NBEA: variants seen among roughly 807,000 people sequenced by gnomAD.
The protein encoded by NBEA is neurobeachin, also known as lysosomal-trafficking regulator 2.
NBEA carries 44 observed loss-of-function variants against 343.4 expected under a neutral mutation model. The ratio of observed to expected loss-of-function variants is 0.13; its 90% CI spans 0.10 to 0.16. NBEA has a LOEUF of 0.16. NBEA is among the 10% of genes least tolerant of loss of function. The pLI is 1.00. For missense variants in NBEA, 2,555 were observed against 3,631.3 expected (o/e 0.70, Z 7.62); for synonymous variants, 1,175 against 1,238.7 (o/e 0.95, Z 1.08).
At chr13:35,053,904 G>A (rs868790364) in intron 6 of NBEA, among the ~76,000 whole-genome samples, 39 of 152,128 alleles carry the variant, frequency 2.6e-4, no homozygotes, top group African/African-American at 8.9e-4. Flanking sequence ...ATGAAAATAG[G>A]TTCAGAGATA....
At chr13:35,578,489 T>C (rs113428766) in intron 45 of NBEA, among the ~76,000 whole-genome samples, 2 of 152,282 alleles carry the variant, frequency 1.3e-5, no homozygotes, top group African/African-American at 4.8e-5. Context: ...AGATTCCATA[T>C]CTATTGAAAA....
intron 1 of NBEA, among the ~76,000 whole-genome samples, chr13:34,998,789 C>T (rs932164042): frequency 1.6e-4 from 25 of 152,076 alleles, no homozygotes; most frequent in Non-Finnish European, 4.4e-5. Flanking sequence ...GCAGTTAACG[C>T]AATCATCACA....
rs1391642312 is a variant in NBEA, at chr13:35,171,443, C to A, written c.4414C>A (p.Leu1472Ile). ...MSSGGLMRQCLRLVCCVAVRN... is the reference protein window; with the variant it reads ...MSSGGLMRQCIRLVCCVAVRN... ...TTCTGGAGGTTTAATGCGACAGTGCCTAAGATTAGGTAAGTCTGTTAAAAC... is the reference window on the plus strand; with the variant it reads ...TTCTGGAGGTTTAATGCGACAGTGCATAAGATTAGGTAAGTCTGTTAAAAC... Residue 1472 changes from leucine to isoleucine, a missense_variant, in exon 26 of 59, where the codon CTA becomes ATA. Coordinates refer to ENST00000379939, the MANE Select transcript of NBEA (RefSeq NM_001385012.1). The A allele has an allele frequency of 1.2e-6, 2 of 1,609,318 alleles. No homozygotes were observed. The highest frequency in any genetic ancestry group is 8.5e-7 in the Non-Finnish European group (1 of 1,176,874).
intron 32 of NBEA, among the ~76,000 whole-genome samples, chr13:35,210,339 C>T (rs2073686835): frequency 1.3e-5 from 2 of 151,694 alleles, no homozygotes; most frequent in African/African-American, 4.8e-5. Context: ...AAAGACTGGG[C>T]ATACTGTTCA....
At chr13:35,083,984 A>G (rs2064579584) in intron 10 of NBEA, among the ~76,000 whole-genome samples, 1 of 152,168 alleles carries the variant, frequency 6.6e-6, no homozygotes, top group African/African-American at 2.4e-5. Flanking sequence ...AAAGAAGGCC[A>G]TTACATAATG....
intron 39 of NBEA, among the ~76,000 whole-genome samples, chr13:35,435,730 C>A (rs1050824730): frequency 6.6e-6 from 1 of 152,070 alleles, no homozygotes; most frequent in Non-Finnish European, 1.5e-5. Context: ...TAGAATAAAT[C>A]ATTTATCCAC....
chr13:35,364,556 T>G (rs2040996249), intron 38 of NBEA, among the ~76,000 whole-genome samples: 1 of 151,812 alleles, frequency 6.6e-6, no homozygotes, highest in Non-Finnish European at 1.5e-5. Flanking sequence ...GTAGGATGTT[T>G]GAATTTAAGA....
At chr13:35,109,754 A>G (rs1243307476) in intron 12 of NBEA, among the ~76,000 whole-genome samples, 2 of 152,118 alleles carry the variant, frequency 1.3e-5, no homozygotes, top group African/African-American at 4.8e-5. Flanking sequence ...AACTAATTGT[A>G]TTATGACTGT....
chr13:35,096,353 G>A (rs993779795), intron 10 of NBEA, among the ~76,000 whole-genome samples: 1 of 151,662 alleles, frequency 6.6e-6, no homozygotes, highest in Non-Finnish European at 1.5e-5. Flanking sequence ...GCAGAGTCCT[G>A]TGTTAAGATT....
At chr13:35,164,269 C>G in intron 23 of NBEA, 87 bp from the exon 24 acceptor site, 1 of 1,175,490 alleles carries the variant, frequency 8.5e-7, no homozygotes, top group Non-Finnish European at 1.2e-6. Flanking sequence ...TCCTACAGTT[C>G]TATAATTTTT....
chr13:35,229,262 G>A (rs1371721560), intron 33 of NBEA, among the ~76,000 whole-genome samples: 1 of 152,004 alleles, frequency 6.6e-6, no homozygotes, highest in African/African-American at 2.4e-5. Flanking sequence ...GAACTCCTGG[G>A]CTCAAGCCAT....
chr13:35,475,411 A>C (rs535048596), intron 41 of NBEA: 1 of 1,613,586 alleles, frequency 6.2e-7, no homozygotes, highest in Admixed American at 1.7e-5. Context: ...GCAGCCCCCC[A>C]TCTGCAGTCT....
At chr13:35,515,722 G>C (rs1302098442) in intron 41 of NBEA, among the ~76,000 whole-genome samples, 1 of 149,318 alleles carries the variant, frequency 6.7e-6, no homozygotes. Context: ...CATTTTCTAA[G>C]TACATTTCCC....
At chr13:35,289,597 A>T (rs1020384644) in intron 34 of NBEA, among the ~76,000 whole-genome samples, 41 of 152,036 alleles carry the variant, frequency 2.7e-4, no homozygotes, top group Non-Finnish European at 4.0e-4. Context: ...ATTAATGTTT[A>T]AACTGTTTAT....
chr13:34,977,972 T>TA (rs1555265474), intron 1 of NBEA, among the ~76,000 whole-genome samples: 1 of 152,052 alleles, frequency 6.6e-6, no homozygotes, highest in Non-Finnish European at 1.5e-5. Flanking sequence ...ACTAATTGAT[T>TA]AAAAAAATTT....
chr13:34,982,192 A>G (rs1263100777), intron 1 of NBEA, among the ~76,000 whole-genome samples: 2 of 152,082 alleles, frequency 1.3e-5, no homozygotes, highest in Non-Finnish European at 2.9e-5. Context: ...ACACTGTATA[A>G]CTTCCTCTAG....
chr13:35,292,856 T>A (rs2152819573), intron 35 of NBEA, among the ~76,000 whole-genome samples: 1 of 152,136 alleles, frequency 6.6e-6, no homozygotes, highest in African/African-American at 2.4e-5. Flanking sequence ...TATGCTTTTC[T>A]TTTTCCAAAT....
chr13:35,411,492 T>C (rs952969504), intron 38 of NBEA, among the ~76,000 whole-genome samples: 20 of 152,000 alleles, frequency 1.3e-4, no homozygotes, highest in African/African-American at 4.6e-4. Flanking sequence ...AGTTGTACTC[T>C]GTTGCCCAGG....
At chr13:35,440,359 G>A (rs1269319410) in intron 39 of NBEA, among the ~76,000 whole-genome samples, 1 of 152,090 alleles carries the variant, frequency 6.6e-6, no homozygotes, top group Non-Finnish European at 1.5e-5. Context: ...GCTTCTTTTA[G>A]ACTAATTTTT....
Sources: allele counts gnomAD v4.1 joint callset (sites outside exome capture counted in the v4.1 genomes callset), GRCh38; gene constraint gnomAD v4.1.1; transcripts MANE v1.5; gene names NCBI Gene and HGNC (gene_info 2026-07-23, HGNC 2026-07-21).